MCM10: variants seen among roughly 807,000 people sequenced by gnomAD.
MCM10 encodes protein MCM10 homolog.
In MCM10, 91 loss-of-function variants were observed where a neutral mutation model predicts 109.9. The observed-to-expected ratio is 0.83, with a 90% confidence interval of 0.70 to 0.99. MCM10 has a LOEUF of 0.99. Among genes scored for constraint, MCM10 ranks in the 50% least tolerant of loss-of-function variants. MCM10 has a pLI of 0.00. For missense variants in MCM10, 1,077 were observed against 1,061.2 expected, an observed-to-expected ratio of 1.01 and a Z score of -0.21; for synonymous variants, 380 against 387.2, an observed-to-expected ratio of 0.98 and a Z score of 0.22.
chr10:13,183,166 A>T lies in MCM10; in HGVS notation c.1098+66A>T, dbSNP rs1251070032. 3.2e-6 allele frequency: 5 copies of T among 1,555,322 alleles called. No individual in the cohort carries two copies. In the East Asian group the frequency reaches 1.1e-4, roughly 35 times the overall value. On this transcript the variant is annotated intron_variant, in intron 8 of 19. Coordinates refer to ENST00000378714, the MANE Select transcript of MCM10 (RefSeq NM_018518.5). ...ACAAGTTAACTGAGTTTTATCAAAG[A>T]TGTTTGATGCAGCACACAGTGGCTC...
intron 14 of MCM10, among the ~76,000 whole-genome samples, chr10:13,197,091 A>G (rs1255266410): frequency 6.6e-6 from 1 of 151,502 alleles, no homozygotes; most frequent in Non-Finnish European, 1.5e-5. Flanking sequence ...ATGCCCAGCT[A>G]ATTTTGTACC....
chr10:13,163,785 C>T (rs1833959171), intron 1 of MCM10, among the ~76,000 whole-genome samples: 1 of 152,196 alleles, frequency 6.6e-6, no homozygotes, highest in Non-Finnish European at 1.5e-5. Flanking sequence ...CCCACCTTAG[C>T]TTCCCAAAGT....
At position 13,175,559 on chromosome 10, in the gene MCM10, A is replaced by G. The variant is rs1343853330; in HGVS notation, c.642A>G (p.Leu214=). ...TGACAAGTGCACCCTCCCAACCCCTACAGACGATTTCTCGGAACAAACCTA... is the reference window on the plus strand; with the variant it reads ...TGACAAGTGCACCCTCCCAACCCCTGCAGACGATTTCTCGGAACAAACCTA... ...SRMTSAPSQP[L]QTISRNKPSG... Residue 214 remains leucine, a synonymous_variant, in exon 6 of 20, where the codon CTA becomes CTG. Transcript: ENST00000378714. The G allele has an allele frequency of 1.2e-6, 2 of 1,613,908 alleles. No individual in the cohort carries two copies. The highest frequency in any genetic ancestry group is 1.7e-6 in the Non-Finnish European group (2 of 1,179,856).
Position 13,188,901 on chromosome 10 carries a change from G to A in MCM10, c.1236G>A (p.Gln412=), listed in dbSNP as rs1466560844. ...TGCAGCGTGACTGTGAGTACTGTCA[G>A]TACCATGTCCAGGCTCAGTACAAGA... ...TVNLRDCEYC[Q]YHVQAQYKKL... is the part of the protein sequence containing the mutation. Residue 412 remains glutamine (Q), a synonymous_variant, in exon 10 of 20, where the codon CAG becomes CAA. Transcript: ENST00000378714. 1.2e-6 allele frequency: 2 copies of A among 1,614,050 alleles called. No homozygotes were observed. The highest frequency in any genetic ancestry group is 2.2e-5 in the East Asian group (1 of 44,900).
chr10:13,163,093 C>T lies in MCM10; in HGVS notation c.-75-1035C>T, dbSNP rs564476477. ...CCGTCTCAAAAAAAAAAAAAAGCAC[C>T]TTTGGGAGTCCAAGGCTGATGGATC... On this transcript the variant is annotated intron_variant, in intron 1 of 19. Transcript: ENST00000378714. Among the ~76,000 whole-genome samples the T allele has an allele frequency of 6.0e-5, 9 of 149,584 alleles. No individual in the cohort carries two copies. In the South Asian group the frequency reaches 1.9e-3, roughly 32 times the overall value.
At chr10:13,193,529 A>G (rs1834376481) in intron 13 of MCM10, among the ~76,000 whole-genome samples, 1 of 152,120 alleles carries the variant, frequency 6.6e-6, no homozygotes, top group Admixed American at 6.6e-5. Flanking sequence ...TTGGGCTCAC[A>G]CATGTTGTGC....
chr10:13,180,924 C>T (rs891707266), intron 7 of MCM10, among the ~76,000 whole-genome samples: 2 of 152,112 alleles, frequency 1.3e-5, no homozygotes, highest in South Asian at 2.1e-4. Context: ...GGAGGAGAGG[C>T]GCAAGTAACC....
chr10:13,165,652 A>G (rs1194780624), intron 2 of MCM10, among the ~76,000 whole-genome samples: 1 of 152,170 alleles, frequency 6.6e-6, no homozygotes, highest in Non-Finnish European at 1.5e-5. Flanking sequence ...AGGTGGGTGG[A>G]TCACCTGAGG....
At chr10:13,200,705 A>G (rs149726609) in intron 16 of MCM10, among the ~76,000 whole-genome samples, 2 of 152,328 alleles carry the variant, frequency 1.3e-5, no homozygotes, top group East Asian at 3.9e-4. Context: ...TGTCCCGTGC[A>G]CCCAGGAAAC....
At chr10:13,207,099 T>C (rs892530828) in intron 18 of MCM10, among the ~76,000 whole-genome samples, 1 of 152,182 alleles carries the variant, frequency 6.6e-6, no homozygotes, top group Admixed American at 6.5e-5. Context: ...GCCACCATGC[T>C]TGGCTAGTTC....
At chr10:13,205,540 C>T (rs1353532605) in intron 18 of MCM10, among the ~76,000 whole-genome samples, 2 of 151,956 alleles carry the variant, frequency 1.3e-5, no homozygotes, top group Non-Finnish European at 2.9e-5. Flanking sequence ...GGGTAGATAC[C>T]CAGTAGTGGG....
intron 5 of MCM10, among the ~76,000 whole-genome samples, chr10:13,175,181 C>T (rs1588468131): frequency 1.3e-5 from 2 of 152,044 alleles, no homozygotes; most frequent in East Asian, 3.9e-4. Flanking sequence ...CGCCTGTAAT[C>T]CCAGCACTTT....
chr10:13,207,929 C>T (rs540145803), intron 18 of MCM10, among the ~76,000 whole-genome samples: 1 of 152,302 alleles, frequency 6.6e-6, no homozygotes, highest in Admixed American at 6.5e-5. Flanking sequence ...CACCCCAACC[C>T]TCTGAAATCC....
intron 9 of MCM10, among the ~76,000 whole-genome samples, chr10:13,188,163 C>T (rs763421301): frequency 4.0e-5 from 6 of 151,884 alleles, no homozygotes; most frequent in Non-Finnish European, 7.4e-5. Flanking sequence ...AATCCATTGT[C>T]GCCGTAACTA....
Position 13,175,504 on chromosome 10 carries a change from T to G in MCM10, c.593-6T>G. ...TGCCTTTTCATTAATTGTGTTAATT[T>G]TCTAGATCCCAAAAGCTCATCTTCA... On this transcript the variant is annotated splice_region_variant and splice_polypyrimidine_tract_variant and intron_variant, in intron 5 of 19. Transcript: ENST00000378714. 2 of 1,613,358 alleles carry G rather than the reference T, an allele frequency of 1.2e-6. No individual in the cohort carries two copies. The highest frequency in any genetic ancestry group is 2.2e-5 in the South Asian group (2 of 91,030).
At chr10:13,183,748 G>A (rs906109627) in intron 8 of MCM10, among the ~76,000 whole-genome samples, 1 of 151,690 alleles carries the variant, frequency 6.6e-6, no homozygotes, top group Non-Finnish European at 1.5e-5. Flanking sequence ...ACAGTCATGT[G>A]TTCTTGACTC....
chr10:13,172,698 G>A lies in MCM10; in HGVS notation c.525G>A (p.Ala175=), dbSNP rs150854146. ...QRIQESTCFS[A]ELDVPALPRT... ...TTCAGGAGTCAACATGCTTTTCTGCGGAGCTTGATGTCCCTGCGCTACCAA... is the reference window on the plus strand; with the variant it reads ...TTCAGGAGTCAACATGCTTTTCTGCAGAGCTTGATGTCCCTGCGCTACCAA... Residue 175 remains alanine, a synonymous_variant, in exon 5 of 20, where the codon GCG becomes GCA. Coordinates refer to ENST00000378714, the MANE Select transcript of MCM10 (RefSeq NM_018518.5). The surrounding 1 kb of genome is among the most constrained non-coding windows in gnomAD (Gnocchi z 5.2). The A allele has an allele frequency of 5.0e-5, 80 of 1,613,984 alleles. No homozygotes were observed. The highest frequency in any genetic ancestry group is 3.3e-4 in the Middle Eastern group (2 of 6,084).
intron 5 of MCM10, among the ~76,000 whole-genome samples, chr10:13,174,687 G>C (rs2131561754): frequency 6.6e-6 from 1 of 152,298 alleles, no homozygotes; most frequent in East Asian, 1.9e-4. Context: ...GGTCACATGT[G>C]TCTGGTAGCT....
At chr10:13,163,859 A>G (rs138083396) in intron 1 of MCM10, among the ~76,000 whole-genome samples, 167 of 152,174 alleles carry the variant, frequency 1.1e-3, no homozygotes, top group African/African-American at 3.7e-3. Flanking sequence ...CTCATAATTT[A>G]TCTCATCCAC....
Sources: allele counts gnomAD v4.1 joint callset (sites outside exome capture counted in the v4.1 genomes callset), GRCh38; gene constraint gnomAD v4.1.1; non-coding constraint Gnocchi (gnomAD v3.1); transcripts MANE v1.5; gene names NCBI Gene and HGNC (gene_info 2026-07-23, HGNC 2026-07-21).